Variants in HTR3B observed in about 807,000 individuals in gnomAD.
HTR3B encodes 5-hydroxytryptamine (serotonin) receptor 3B, ionotropic.
A neutral mutation model predicts 42.8 loss-of-function variants in HTR3B; 44 were observed. The observed-to-expected ratio is 1.03, with a 90% CI of 0.81 to 1.32. The LOEUF (loss-of-function observed/expected upper bound fraction) is 1.32. Ranked by LOEUF, HTR3B falls within the 40% of genes most tolerant of loss-of-function variation. The pLI, the probability that HTR3B is intolerant of heterozygous loss-of-function variation, is 0.00. For missense variants in HTR3B, 527 were observed against 536.5 expected (o/e 0.98, Z 0.17); for synonymous variants, 203 against 209.0 (o/e 0.97, Z 0.25).
intron 1 of HTR3B, among the ~76,000 whole-genome samples, chr11:113,906,224 G>A (rs1037312048): frequency 6.6e-6 from 1 of 152,098 alleles, no homozygotes; most frequent in African/African-American, 2.4e-5. Context: ...ATTGTACTGG[G>A]TTTTACTATG....
At chr11:113,909,597 T>G (rs1236612579) in intron 2 of HTR3B, 142 bp downstream of exon 2, 7 of 680,802 alleles carry the variant, frequency 1.0e-5, no homozygotes, top group Non-Finnish European at 1.7e-5. Flanking sequence ...TTTTAGCAGT[T>G]AGGTAAAATA....
At chr11:113,900,239 C>T (rs1421202815), upstream of HTR3B, among the ~76,000 whole-genome samples, 2 of 152,056 alleles carry the variant, frequency 1.3e-5, no homozygotes, top group African/African-American at 4.8e-5. Flanking sequence ...GCCTGGAAAA[C>T]AGTGCAAGAC....
chr11:113,932,533 C>A, intron 5 of HTR3B, 75 bp downstream of exon 5: 1 of 1,195,082 alleles, frequency 8.4e-7, no homozygotes, highest in Non-Finnish European at 1.2e-6. Flanking sequence ...TCCTTCAGGT[C>A]TATTTTATTC....
chr11:113,908,087 G>T (rs1254306423), intron 1 of HTR3B, among the ~76,000 whole-genome samples: 1 of 152,196 alleles, frequency 6.6e-6, no homozygotes, highest in Non-Finnish European at 1.5e-5. Flanking sequence ...TTGTTAGGGA[G>T]TTAAAATGCT....
In HTR3B at chr11:113,943,002, C is replaced by A. The variant is rs756781029; in HGVS notation, c.717C>A (p.Pro239=). 1 of 1,613,980 alleles carries A rather than the reference C, an allele frequency of 6.2e-7. No individual in the cohort carries two copies. Among genetic ancestry groups the A allele is most frequent in the Non-Finnish European group, 8.5e-7 (1 of 1,180,014 alleles). Residue 239 remains proline, a synonymous_variant, in exon 7 of 9, where the codon CCC becomes CCA. Coordinates refer to ENST00000260191, the MANE Select transcript of HTR3B (RefSeq NM_006028.5). ...IQFNVVMRRH[P]LVYVVSLLIP... is the part of the protein sequence containing the mutation. ...GCCAGGTGGTGATGCGCAGGCACCC[C>A]CTGGTCTATGTCGTGAGTCTGCTGA...
At chr11:113,942,644 T>C (rs1175867687) in intron 6 of HTR3B, among the ~76,000 whole-genome samples, 1 of 152,196 alleles carries the variant, frequency 6.6e-6, no homozygotes, top group Non-Finnish European at 1.5e-5. Flanking sequence ...ATGAAGTTGA[T>C]ACCCAGCCCT....
chr11:113,944,848 A>G (rs1020779642), intron 8 of HTR3B, 93 bp downstream of exon 8: 1 of 1,235,384 alleles, frequency 8.1e-7, no homozygotes, highest in Non-Finnish European at 1.1e-6. Flanking sequence ...GCGTTGGCCT[A>G]TGTGAAAAAC....
chr11:113,925,383 A>C (rs1263214606), intron 2 of HTR3B, among the ~76,000 whole-genome samples: 4 of 151,088 alleles, frequency 2.6e-5, no homozygotes, highest in Non-Finnish European at 5.9e-5. Context: ...TGAGCTTTGA[A>C]CCTAAATCAG....
intron 4 of HTR3B, 70 bp from the exon 5 acceptor site, chr11:113,932,219 C>A: frequency 7.7e-7 from 1 of 1,295,592 alleles, no homozygotes; most frequent in Non-Finnish European, 1.1e-6. Context: ...CTACCATCTC[C>A]TAATCAGCCT....
chr11:113,921,708 C>T (rs1347795950), intron 2 of HTR3B, among the ~76,000 whole-genome samples: 1 of 151,878 alleles, frequency 6.6e-6, no homozygotes, highest in Non-Finnish European at 1.5e-5. Context: ...TAATATTTTC[C>T]CTTGGAACAA....
intron 6 of HTR3B, among the ~76,000 whole-genome samples, chr11:113,941,428 A>G (rs1405126784): frequency 6.6e-6 from 1 of 152,198 alleles, no homozygotes; most frequent in Non-Finnish European, 1.5e-5. Context: ...ACTTGCCATC[A>G]TCATTTCAAA....
upstream of HTR3B, among the ~76,000 whole-genome samples, chr11:113,903,044 T>G (rs1422089335): frequency 6.6e-6 from 1 of 152,106 alleles, no homozygotes; most frequent in Non-Finnish European, 1.5e-5. Context: ...AATCTTTTAT[T>G]TTTTTGTGTG....
At chr11:113,943,871 AGAAG>A (rs575677081) in intron 7 of HTR3B, among the ~76,000 whole-genome samples, 52 of 151,632 alleles carry the variant, frequency 3.4e-4, no homozygotes, top group East Asian at 7.8e-4. Context: ...AAGAGAGAAA[AGAAG>A]GAAGGAAGGA....
At chr11:113,915,893 C>T (rs1010743849) in intron 2 of HTR3B, among the ~76,000 whole-genome samples, 2 of 152,118 alleles carry the variant, frequency 1.3e-5, no homozygotes, top group African/African-American at 2.4e-5. Context: ...GGCTGGAGTG[C>T]AGTGGCATGA....
intron 2 of HTR3B, among the ~76,000 whole-genome samples, chr11:113,916,670 C>A (rs778091447): frequency 6.6e-6 from 1 of 152,138 alleles, no homozygotes; most frequent in African/African-American, 2.4e-5. Context: ...ACTGAGTTAT[C>A]CAGTCCATAC....
intron 6 of HTR3B, among the ~76,000 whole-genome samples, chr11:113,941,447 G>T (rs566099737): frequency 6.6e-6 from 1 of 152,216 alleles, no homozygotes; most frequent in South Asian, 2.1e-4. Context: ...AAGAAGTGAG[G>T]TATAAAAAAA....
At chr11:113,916,580 T>C (rs1222876568) in intron 2 of HTR3B, among the ~76,000 whole-genome samples, 1 of 152,224 alleles carries the variant, frequency 6.6e-6, no homozygotes, top group African/African-American at 2.4e-5. Context: ...TCAATGTCTA[T>C]TTTTAAAAAC....
Position 113,946,248 on chromosome 11 carries a change from C to T in HTR3B, c.*111C>T, listed in dbSNP as rs1467288194. ...GGGTGTGGTGGTTCTTGCCTATAGT[C>T]CCAGTGCTTTGGGAGGCCATAGCAG... On this transcript the variant is annotated 3_prime_UTR_variant, in exon 9 of 9. Coordinates refer to ENST00000260191, the MANE Select transcript of HTR3B (RefSeq NM_006028.5). The T allele has an allele frequency of 6.1e-6, 5 of 813,938 alleles. No individual in the cohort carries two copies. The highest frequency in any genetic ancestry group is 2.1e-5 in the Admixed American group (1 of 47,482). The allele number at this position is 813,938 out of a possible 1,614,324, so 50.4% of individuals were successfully genotyped here.
At chr11:113,911,535 T>C (rs1485923577) in intron 2 of HTR3B, among the ~76,000 whole-genome samples, 1 of 151,058 alleles carries the variant, frequency 6.6e-6, no homozygotes, top group Non-Finnish European at 1.5e-5. Flanking sequence ...CGGCTATTTA[T>C]TTATTTTTTG....
Sources: gnomAD v4.1 joint callset for allele counts (sites outside exome capture counted in the v4.1 genomes callset) on GRCh38, gnomAD v4.1.1 for gene constraint, MANE v1.5 for transcripts, NCBI Gene and HGNC (gene_info 2026-07-23, HGNC 2026-07-21) for gene names.